ALDH6A1: variants seen among roughly 807,000 people sequenced by gnomAD.
The protein encoded by ALDH6A1 is methylmalonate-semialdehyde/malonate-semialdehyde dehydrogenase [acylating], mitochondrial.
Under a neutral mutation model 62.6 loss-of-function variants are expected in ALDH6A1, and 43 were observed. The ratio of observed to expected loss-of-function variants is 0.69; its 90% CI spans 0.54 to 0.89. The LOEUF (loss-of-function observed/expected upper bound fraction) is 0.89, where lower values mean the gene tolerates loss of function less well. ALDH6A1 is among the 40% of genes least tolerant of loss of function. ALDH6A1 has a pLI of 0.00. For synonymous variants in ALDH6A1, 194 were observed against 234.2 expected (o/e 0.83, Z 1.57); for missense variants, 551 against 661.3 (o/e 0.83, Z 1.83).
rs1417402277 is a variant in ALDH6A1, at chr14:74,066,870, A to G, written c.1059T>C (p.Ala353=). 2 of 1,613,934 alleles carry G rather than the reference A, an allele frequency of 1.2e-6. No individual in the cohort carries two copies. The highest frequency in any genetic ancestry group is 1.3e-5 in the African/African-American group (1 of 74,920). ...LRVNAGDQPG[A]DLGPLITPQA... ...GGGGAGTGATCAGAGGGCCAAGATC[A>G]GCTCCAGGCTGATCTCCTGTAAAAC... is the stretch of plus-strand genomic sequence containing the variant. Residue 353 remains alanine (A), a synonymous_variant, in exon 9 of 12, where the codon GCT becomes GCC. Coordinates refer to ENST00000553458, the MANE Select transcript of ALDH6A1 (RefSeq NM_005589.4).
chr14:74,065,461 C>T, intron 9 of ALDH6A1, 101 bp from the exon 10 acceptor site: 1 of 1,062,162 alleles, frequency 9.4e-7, no homozygotes, highest in African/African-American at 1.6e-5. Flanking sequence ...TTTACGTGGA[C>T]AACTTTCATA....
rs907395309 is a variant in ALDH6A1, at chr14:74,060,187, T to A, written c.*455A>T. On this transcript the variant is annotated 3_prime_UTR_variant, in exon 12 of 12. Coordinates refer to ENST00000553458, the MANE Select transcript of ALDH6A1 (RefSeq NM_005589.4). ...TCTTTTTTTACTTTTTCAATTTTTT[T>A]AAATAATAGATACGGGGTTTCGCCA... The A allele has an allele frequency of 3.9e-5, 6 of 155,226 alleles. No individual in the cohort carries two copies. In the East Asian group the frequency reaches 5.6e-4, roughly 15 times the overall value. 9.6% of individuals were successfully genotyped at this position (155,226 alleles called of 1,614,324 possible).
In ALDH6A1 at chr14:74,059,255, A is replaced by G. The variant is rs111554139; in HGVS notation, c.*1387T>C. 359 of 361,334 alleles carry G rather than the reference A, an allele frequency of 9.9e-4. 4 individuals carry two copies. Among genetic ancestry groups the G allele is most frequent in the African/African-American group, 7.0e-3 (328 of 46,734 alleles). The allele number at this position is 361,334 out of a possible 1,614,324, so 22.4% of individuals were successfully genotyped here. On this transcript the variant is annotated 3_prime_UTR_variant, in exon 12 of 12. Transcript: ENST00000553458. ...TCATTAAACAAATCACTAATTAGAA[A>G]TACAGGCAAGAGAAAAGAATATATA...
At position 74,065,238 on chromosome 14, in the gene ALDH6A1, G is replaced by A; in HGVS notation, c.1347C>T (p.Ile449=). The change falls in exon 10 of 12, where the codon ATC becomes ATT. Residue 449 remains isoleucine (I), a synonymous_variant. Coordinates refer to ENST00000553458, the MANE Select transcript of ALDH6A1 (RefSeq NM_005589.4). ...GAGCAGTGGCTCCATTGGTGGTGAA[G>A]ATGGCAGTTCCATTTCCATATGGGT... ...NNNPYGNGTA[I]FTTNGATARK... The A allele has an allele frequency of 9.3e-6, 15 of 1,614,132 alleles. No individual in the cohort carries two copies. The highest frequency in any genetic ancestry group is 1.3e-5 in the Non-Finnish European group (15 of 1,180,020).
intron 8 of ALDH6A1, among the ~76,000 whole-genome samples, chr14:74,067,135 G>A (rs1008280274): frequency 3.3e-5 from 5 of 152,144 alleles, no homozygotes; most frequent in Non-Finnish European, 5.9e-5. Context: ...GATCACTTGA[G>A]CCCAACAGTT....
chr14:74,072,693 T>C (rs918090913), intron 2 of ALDH6A1, 82 bp from the exon 3 acceptor site: 8 of 1,491,736 alleles, frequency 5.4e-6, no homozygotes, highest in Non-Finnish European at 7.3e-6. Context: ...CCCTTTCCCT[T>C]GCACCAAAAG....
intron 11 of ALDH6A1, among the ~76,000 whole-genome samples, chr14:74,063,865 C>T (rs1412157282): frequency 8.1e-6 from 1 of 124,126 alleles, no homozygotes; most frequent in South Asian, 2.5e-4. Flanking sequence ...GACTCTGTCT[C>T]AAAAAAAAAA....
At chr14:74,084,202 G>A (rs1251554998) in intron 1 of ALDH6A1, 145 bp downstream of exon 1, 13 of 1,239,240 alleles carry the variant, frequency 1.0e-5, no homozygotes, top group Non-Finnish European at 1.5e-5. Context: ...GGCTGGGCAT[G>A]GGACAGGGCC....
intron 1 of ALDH6A1, among the ~76,000 whole-genome samples, chr14:74,081,931 G>A (rs1482705146): frequency 1.3e-5 from 2 of 152,138 alleles, no homozygotes; most frequent in African/African-American, 4.8e-5. Flanking sequence ...TCTTGCCCAG[G>A]TGCAGCGGTT....
chr14:74,074,921 C>T lies in ALDH6A1; in HGVS notation c.111+34G>A, dbSNP rs770116155. ...TACCCAAAACTATACTGAATTCCTTCTCAGAAGTCAACCTCTATGCCAAAT... is the reference window on the plus strand; with the variant it reads ...TACCCAAAACTATACTGAATTCCTTTTCAGAAGTCAACCTCTATGCCAAAT... On this transcript the variant is annotated intron_variant, in intron 2 of 11. Transcript: ENST00000553458. The T allele has an allele frequency of 3.7e-5, 59 of 1,602,244 alleles. No individual in the cohort carries two copies. The Middle Eastern group carries it at 1.3e-3, about 36-fold the overall frequency.
chr14:74,080,044 A>T (rs2060655594), intron 1 of ALDH6A1, among the ~76,000 whole-genome samples: 1 of 152,086 alleles, frequency 6.6e-6, no homozygotes, highest in Non-Finnish European at 1.5e-5. Context: ...TCTTAAAAAA[A>T]CAAAAACCAA....
intron 6 of ALDH6A1, among the ~76,000 whole-genome samples, chr14:74,070,012 A>AT (rs573551005): frequency 4.0e-5 from 6 of 151,030 alleles, no homozygotes; most frequent in South Asian, 4.2e-4. Context: ...TAATTTTTGT[A>AT]TTTTTTTTGT....
At position 74,058,578 on chromosome 14, in the gene ALDH6A1, A is replaced by C. The variant is rs1369863564; in HGVS notation, c.*2064T>G. On this transcript the variant is annotated 3_prime_UTR_variant, in exon 12 of 12. Transcript: ENST00000553458. ...GTAATAAGCCTCAAATCCACAGGGT[A>C]CACAACATTTTCAAGGTCTTTTTTT... 6.7e-6 allele frequency: 1 copy of C among 150,156 alleles called. No individual in the cohort carries two copies. Among genetic ancestry groups the C allele is most frequent in the African/African-American group, 2.5e-5 (1 of 40,424 alleles). The allele number at this position is 150,156 out of a possible 1,614,324, so 9.3% of individuals were successfully genotyped here.
At position 74,059,493 on chromosome 14, in the gene ALDH6A1, C is replaced by T. The variant is rs537666551; in HGVS notation, c.*1149G>A. 60 of 409,276 alleles carry T rather than the reference C, an allele frequency of 1.5e-4. No homozygotes were observed. Among genetic ancestry groups the T allele is most frequent in the East Asian group, 8.0e-4 (10 of 12,496 alleles). 25.4% of individuals were successfully genotyped at this position (409,276 alleles called of 1,614,324 possible). Reference sequence around the variant, plus strand: ...GGCGGATCACCTGAGGTCAGGAGTTCGAGACCAGCCTGACCAACACGGAGA... The same window carrying T: ...GGCGGATCACCTGAGGTCAGGAGTTTGAGACCAGCCTGACCAACACGGAGA... On this transcript the variant is annotated 3_prime_UTR_variant, in exon 12 of 12. Transcript: ENST00000553458.
chr14:74,067,615 C>G (rs776066606), intron 7 of ALDH6A1, 46 bp from the exon 8 acceptor site: 4 of 1,596,694 alleles, frequency 2.5e-6, no homozygotes, highest in African/African-American at 1.3e-5. Flanking sequence ...TGGCCAAATA[C>G]AACTAAGCTA....
In ALDH6A1 at chr14:74,057,010, A is replaced by G. The variant is rs754191171; in HGVS notation, c.*3632T>C. 21 of 1,598,410 alleles carry G rather than the reference A, an allele frequency of 1.3e-5. No individual in the cohort carries two copies. The South Asian group carries it at 2.0e-4, about 15-fold the overall frequency. On this transcript the variant is annotated 3_prime_UTR_variant, in exon 12 of 12. Coordinates refer to ENST00000553458, the MANE Select transcript of ALDH6A1 (RefSeq NM_005589.4). ...GAGCTCTCTTGCTTAAGTAATAAAC[A>G]TGAGCCCAACACGATGGTTCTTGTG...
rs1410257911 is a variant in ALDH6A1 at position 74,072,769 on chromosome 14, C to T, written c.112-158G>A. 2.0e-5 allele frequency among the ~76,000 whole-genome samples: 3 copies of T among 152,130 alleles called. No homozygotes were observed. The East Asian group carries it at 5.8e-4, about 29-fold the overall frequency. On this transcript the variant is annotated intron_variant, in intron 2 of 11. Transcript: ENST00000553458. ...AAATGTTACCACTAGGAAAGAGACA[C>T]ATAATATCCCTATCTATTCTGTGTG...
At chr14:74,080,372 T>TTC in intron 1 of ALDH6A1, among the ~76,000 whole-genome samples, 1 of 149,480 alleles carries the variant, frequency 6.7e-6, no homozygotes, top group Middle Eastern at 3.4e-3. Flanking sequence ...CTCTTTCTTT[T>TTC]TTTTTTTTTT....
Position 74,072,255 on chromosome 14 carries a change from AATACTGAAGTGTCTGCCC to A in ALDH6A1, c.278_295del (p.Trp93_Val98del). On this transcript the variant is annotated inframe_deletion, in exon 4 of 12. Coordinates refer to ENST00000553458, the MANE Select transcript of ALDH6A1 (RefSeq NM_005589.4). ...GCGGAGCAAGACCTGCTGGCGGCTT[AATACTGAAGTGTCTGCCC>A]ATGCAGGAAAAGCACGTTTGCAGGA... The A allele has an allele frequency of 1.2e-6, 2 of 1,614,254 alleles. No homozygotes were observed. The highest frequency in any genetic ancestry group is 1.7e-6 in the Non-Finnish European group (2 of 1,180,044).
Sources: allele counts gnomAD v4.1 joint callset (sites outside exome capture counted in the v4.1 genomes callset), GRCh38; gene constraint gnomAD v4.1.1; transcripts MANE v1.5; gene names NCBI Gene and HGNC (gene_info 2026-07-23, HGNC 2026-07-21).